The following ADGRB3 variants were observed in gnomAD, a reference collection of about 807,000 sequenced individuals.
The protein encoded by ADGRB3 is adhesion G protein-coupled receptor B3, also known as brain-specific angiogenesis inhibitor 3.
Under a neutral mutation model 193.4 loss-of-function variants are expected in ADGRB3, and 37 were observed. The ratio of observed to expected loss-of-function variants is 0.19; its 90% CI spans 0.15 to 0.25. ADGRB3 has a LOEUF of 0.25. Ranked by LOEUF, ADGRB3 falls within the 10% of genes least tolerant of loss-of-function variation. The pLI, the probability that ADGRB3 is intolerant of heterozygous loss-of-function variation, is 1.00. For missense variants in ADGRB3, 1,637 were observed against 1,852.9 expected, an observed-to-expected ratio of 0.88 and a Z score of 2.14; for synonymous variants, 690 against 644.2, an observed-to-expected ratio of 1.07 and a Z score of -1.08.
At chr6:68,964,231 T>C (rs933563256) in intron 8 of ADGRB3, among the ~76,000 whole-genome samples, 2 of 152,150 alleles carry the variant, frequency 1.3e-5, no homozygotes, top group Non-Finnish European at 2.9e-5. Flanking sequence ...AGGAAAAATA[T>C]ATGTTTCTAT....
intron 10 of ADGRB3, among the ~76,000 whole-genome samples, chr6:68,984,734 G>T (rs1769022347): frequency 6.6e-6 from 1 of 151,938 alleles, no homozygotes; most frequent in Non-Finnish European, 1.5e-5. Flanking sequence ...AACCCAAGAA[G>T]GCAAAAAGAA....
chr6:69,379,688 T>A (rs1369083870), intron 30 of ADGRB3, among the ~76,000 whole-genome samples: 1 of 151,990 alleles, frequency 6.6e-6, no homozygotes, highest in East Asian at 1.9e-4. Context: ...TCAAACTGAG[T>A]TCATGTCAGA....
chr6:68,945,776 T>C (rs1435649487), intron 6 of ADGRB3, among the ~76,000 whole-genome samples: 1 of 152,142 alleles, frequency 6.6e-6, no homozygotes, highest in African/African-American at 2.4e-5. Context: ...GCAAAATCCT[T>C]AGATATCAGT....
chr6:69,030,956 T>TTTTTC (rs367785089), intron 13 of ADGRB3, among the ~76,000 whole-genome samples: 1,123 of 72,434 alleles, frequency 0.016, 188 homozygotes, highest in South Asian at 0.055. Context: ...TTCTTTTCTT[T>TTTTTC]TTTTCTTTTC....
intron 11 of ADGRB3, among the ~76,000 whole-genome samples, chr6:69,001,088 T>C (rs962969699): frequency 6.6e-6 from 1 of 152,188 alleles, no homozygotes; most frequent in Non-Finnish European, 1.5e-5. Context: ...GTGATATAAG[T>C]ATAGCATGTT....
intron 3 of ADGRB3, among the ~76,000 whole-genome samples, chr6:68,668,506 A>G (rs1422639144): frequency 6.6e-6 from 1 of 151,986 alleles, no homozygotes; most frequent in Non-Finnish European, 1.5e-5. Context: ...ATAATTTCCT[A>G]TCAGTTTAAT....
intron 17 of ADGRB3, among the ~76,000 whole-genome samples, chr6:69,191,128 A>G (rs1451781060): frequency 6.6e-6 from 1 of 152,176 alleles, no homozygotes; most frequent in African/African-American, 2.4e-5. Flanking sequence ...GTTACTGCCT[A>G]TTGGCAGCCT....
At chr6:68,955,443 T>G (rs1768046116) in intron 6 of ADGRB3, among the ~76,000 whole-genome samples, 1 of 152,248 alleles carries the variant, frequency 6.6e-6, no homozygotes, top group African/African-American at 2.4e-5. Context: ...TAGCACAATG[T>G]ATTGCATCTT....
Position 69,243,854 on chromosome 6 carries a change from C to CAT in ADGRB3, c.2814+4634_2814+4635dup, listed in dbSNP as rs1202511477. ...GAATTACAGGTTAAACTAACTGGCA[C>CAT]ATATATAGTATCATACTGAAAATAA... On this transcript the variant is annotated intron_variant, in intron 20 of 31. Coordinates refer to ENST00000370598, the MANE Select transcript of ADGRB3 (RefSeq NM_001704.3). Among the ~76,000 whole-genome samples, 5 of 151,964 alleles carry CAT rather than the reference C, an allele frequency of 3.3e-5. No homozygotes were observed. The East Asian group carries it at 9.7e-4, about 29-fold the overall frequency.
intron 4 of ADGRB3, among the ~76,000 whole-genome samples, chr6:68,930,987 G>T (rs1019078103): frequency 1.4e-4 from 21 of 151,808 alleles, no homozygotes; most frequent in African/African-American, 4.8e-4. Context: ...ATAATTGATT[G>T]ACATAAGACT....
chr6:68,689,875 C>T (rs1765042485), intron 3 of ADGRB3, among the ~76,000 whole-genome samples: 1 of 152,104 alleles, frequency 6.6e-6, no homozygotes. Flanking sequence ...GAACAGTTTT[C>T]TTGACCCCAA....
At chr6:68,878,208 A>G (rs1235772759) in intron 3 of ADGRB3, among the ~76,000 whole-genome samples, 1 of 152,014 alleles carries the variant, frequency 6.6e-6, no homozygotes, top group Non-Finnish European at 1.5e-5. Flanking sequence ...AAAATGTTCC[A>G]ATATTTTTAT....
Position 69,027,279 on chromosome 6 carries a change from G to A in ADGRB3, c.2107+8780G>A, listed in dbSNP as rs148213241. Among the ~76,000 whole-genome samples, 16 of 151,512 alleles carry A rather than the reference G, an allele frequency of 1.1e-4. No homozygotes were observed. In the East Asian group the frequency reaches 3.1e-3, roughly 29 times the overall value. ...ACACATTAGCCTAGGCCGTACCCAG[G>A]GTCAGGATCATCAATGTCACTGTCT... On this transcript the variant is annotated intron_variant, in intron 13 of 31. Transcript: ENST00000370598.
intron 3 of ADGRB3, among the ~76,000 whole-genome samples, chr6:68,681,646 TACTAATCC>T (rs1764898888): frequency 6.6e-6 from 1 of 152,156 alleles, no homozygotes; most frequent in Non-Finnish European, 1.5e-5. Context: ...CTTTTCAAAC[TACTAATCC>T]AGGATTAGAT....
rs940768589 is a variant in ADGRB3 at position 68,986,242 on chromosome 6, A to G, written c.1735-7526A>G. Among the ~76,000 whole-genome samples the G allele has an allele frequency of 3.3e-5, 5 of 152,128 alleles. No individual in the cohort carries two copies. The East Asian group carries it at 9.6e-4, about 29-fold the overall frequency. On this transcript the variant is annotated intron_variant, in intron 10 of 31. Coordinates refer to ENST00000370598, the MANE Select transcript of ADGRB3 (RefSeq NM_001704.3). ...CCCAACAATAATTTTCAGTTCTCAAATTCATGCTGTCCAATCTCTCACTTC... is the reference window on the plus strand; with the variant it reads ...CCCAACAATAATTTTCAGTTCTCAAGTTCATGCTGTCCAATCTCTCACTTC...
At chr6:68,668,624 C>T (rs183754325) in intron 3 of ADGRB3, among the ~76,000 whole-genome samples, 2 of 151,984 alleles carry the variant, frequency 1.3e-5, no homozygotes, top group African/African-American at 4.8e-5. Context: ...GGTGTTTATT[C>T]TCTAGGACCA....
intron 3 of ADGRB3, among the ~76,000 whole-genome samples, chr6:68,691,122 G>T (rs1405055438): frequency 6.6e-6 from 1 of 152,018 alleles, no homozygotes; most frequent in African/African-American, 2.4e-5. Flanking sequence ...ATAGGATCAA[G>T]TATAATTATT....
intron 26 of ADGRB3, among the ~76,000 whole-genome samples, chr6:69,343,159 TA>T (rs1769014768): frequency 6.6e-6 from 1 of 151,754 alleles, no homozygotes; most frequent in Admixed American, 6.6e-5. Context: ...TATTTTTTTT[TA>T]TTTTTTTTTC....
chr6:68,806,760 T>C (rs895394387), intron 3 of ADGRB3, among the ~76,000 whole-genome samples: 1 of 151,964 alleles, frequency 6.6e-6, no homozygotes, highest in African/African-American at 2.4e-5. Context: ...TACAGTAGAG[T>C]TATCTGCATG....
Sources: allele counts gnomAD v4.1 joint callset (sites outside exome capture counted in the v4.1 genomes callset), GRCh38; gene constraint gnomAD v4.1.1; transcripts MANE v1.5; gene names NCBI Gene and HGNC (gene_info 2026-07-23, HGNC 2026-07-21).